TMEM177: variants seen among roughly 807,000 people sequenced by gnomAD.
The protein encoded by TMEM177 is transmembrane protein 177.
TMEM177 carries 4 observed loss-of-function variants against 14.2 expected under a neutral mutation model. The observed-to-expected ratio is 0.28, with a 90% confidence interval of 0.14 to 0.64. The LOEUF is 0.64. TMEM177 is among the 30% of genes least tolerant of loss of function. TMEM177 has a pLI of 0.82. For missense variants in TMEM177, 344 were observed against 405.2 expected (o/e 0.85, Z 1.30); for synonymous variants, 179 against 174.5 (o/e 1.03, Z -0.20).
At chr2:119,701,978 A>C in the TMEM177 span, among the ~76,000 whole-genome samples, 3 of 152,228 alleles carry the variant, frequency 2.0e-5, no homozygotes, top group South Asian at 2.1e-4. Context: ...GAATATCTCA[A>C]GCACGGATCT....
chr2:119,709,180 A>G, the TMEM177 span, among the ~76,000 whole-genome samples: 1 of 152,252 alleles, frequency 6.6e-6, no homozygotes, highest in East Asian at 1.9e-4. Flanking sequence ...TGTGGCACCC[A>G]CCACTGTGTT....
the TMEM177 span, among the ~76,000 whole-genome samples, chr2:119,694,203 C>T: frequency 7.0e-6 from 1 of 143,614 alleles, no homozygotes; most frequent in Non-Finnish European, 1.6e-5. Context: ...ACATACCATG[C>T]ACACACAACA....
At chr2:119,720,948 T>C in the TMEM177 span, among the ~76,000 whole-genome samples, 2 of 152,204 alleles carry the variant, frequency 1.3e-5, no homozygotes, top group Non-Finnish European at 2.9e-5. Flanking sequence ...TTCTGTTCTA[T>C]CAGTATTTTC....
Position 119,681,497 on chromosome 2 carries a change from C to T in TMEM177, c.644C>T (p.Ala215Val). 5 of 1,613,728 alleles carry T rather than the reference C, an allele frequency of 3.1e-6. No homozygotes were observed. Among genetic ancestry groups the T allele is most frequent in the Non-Finnish European group, 4.2e-6 (5 of 1,180,044 alleles). Reference protein sequence around the residue: ...SLVAAVAGFVAYAFSQDSLTH... With the variant: ...SLVAAVAGFVVYAFSQDSLTH... ...GTGGCAGCAGTGGCAGGCTTTGTGG[C>T]CTACGCCTTCTCCCAGGATTCTCTC... The change falls in exon 2 of 2, where the codon GCC becomes GTC. Residue 215 changes from alanine (A) to valine (V), a missense_variant. Transcript: ENST00000272521.
chr2:119,703,775 C>T, the TMEM177 span, among the ~76,000 whole-genome samples: 1 of 152,196 alleles, frequency 6.6e-6, no homozygotes, highest in Non-Finnish European at 1.5e-5. Flanking sequence ...CTGTCTCCTC[C>T]ACTCTCTGCC....
At chr2:119,685,313 G>A (rs1438036416), downstream of TMEM177, among the ~76,000 whole-genome samples, 2 of 147,312 alleles carry the variant, frequency 1.4e-5, no homozygotes, top group African/African-American at 5.0e-5. Context: ...GAGTCATGGC[G>A]CTGATGCTGG....
At chr2:119,683,644 A>G (rs1463101521), downstream of TMEM177, among the ~76,000 whole-genome samples, 1 of 152,092 alleles carries the variant, frequency 6.6e-6, no homozygotes. Context: ...CTGCTTACTC[A>G]GCTCCCTCTG....
chr2:119,691,748 T>C, the TMEM177 span, among the ~76,000 whole-genome samples: 4 of 152,174 alleles, frequency 2.6e-5, no homozygotes, highest in Non-Finnish European at 4.4e-5. Flanking sequence ...CAGCACACAC[T>C]TCTCTGGGGG....
chr2:119,715,792 C>T, the TMEM177 span, among the ~76,000 whole-genome samples: 1 of 152,212 alleles, frequency 6.6e-6, no homozygotes, highest in East Asian at 1.9e-4. Flanking sequence ...TGGTGCACCC[C>T]ATGTCTCCTG....
chr2:119,694,280 C>A, the TMEM177 span, among the ~76,000 whole-genome samples: 4 of 149,688 alleles, frequency 2.7e-5, no homozygotes, highest in Non-Finnish European at 5.9e-5. Flanking sequence ...GTGTGGTATA[C>A]CACACACACA....
the TMEM177 span, among the ~76,000 whole-genome samples, chr2:119,710,396 C>T: frequency 6.6e-6 from 1 of 152,152 alleles, no homozygotes; most frequent in African/African-American, 2.4e-5. Flanking sequence ...TGAGCATCCA[C>T]GGGGCAGGAT....
downstream of TMEM177, among the ~76,000 whole-genome samples, chr2:119,687,842 G>C (rs1312004521): frequency 6.6e-6 from 1 of 152,160 alleles, no homozygotes; most frequent in Non-Finnish European, 1.5e-5. Flanking sequence ...GTGGTAACTT[G>C]GTATGCAGAA....
chr2:119,683,912 C>G (rs1688963714), downstream of TMEM177, among the ~76,000 whole-genome samples: 1 of 150,626 alleles, frequency 6.6e-6, no homozygotes, highest in Admixed American at 6.6e-5. Context: ...TCTTCCCCCT[C>G]CCACCCTCCC....
At chr2:119,708,104 T>A in the TMEM177 span, among the ~76,000 whole-genome samples, 1 of 152,204 alleles carries the variant, frequency 6.6e-6, no homozygotes, top group African/African-American at 2.4e-5. Flanking sequence ...CAGGGTTGTG[T>A]GTTTGGCTGC....
chr2:119,700,126 T>A, the TMEM177 span: 1 of 242,002 alleles, frequency 4.1e-6, no homozygotes, highest in Non-Finnish European at 8.5e-6. Context: ...CAGAAGAAAC[T>A]AAAGAAACAA....
the TMEM177 span, among the ~76,000 whole-genome samples, chr2:119,701,427 C>T: frequency 6.6e-6 from 1 of 151,720 alleles, no homozygotes; most frequent in Admixed American, 6.6e-5. Context: ...GTGGCAGGAC[C>T]GCGAGTGGGT....
the TMEM177 span, among the ~76,000 whole-genome samples, chr2:119,717,346 A>G: frequency 6.6e-6 from 1 of 151,968 alleles, no homozygotes; most frequent in South Asian, 2.1e-4. Flanking sequence ...AAAAAAAGAA[A>G]AAGAAAAAAA....
At chr2:119,705,864 C>G in the TMEM177 span, among the ~76,000 whole-genome samples, 2 of 151,250 alleles carry the variant, frequency 1.3e-5, no homozygotes, top group Non-Finnish European at 2.9e-5. Flanking sequence ...TGTTGGGTGA[C>G]GAACAAACTT....
the TMEM177 span, among the ~76,000 whole-genome samples, chr2:119,699,372 A>G: frequency 6.6e-6 from 1 of 152,222 alleles, no homozygotes; most frequent in Non-Finnish European, 1.5e-5. Context: ...AACCGCCCCC[A>G]TGATCCAATC....
Sources: allele counts gnomAD v4.1 joint callset (sites outside exome capture counted in the v4.1 genomes callset), GRCh38; gene constraint gnomAD v4.1.1; transcripts MANE v1.5; gene names NCBI Gene and HGNC (gene_info 2026-07-23, HGNC 2026-07-21).